The following ASAP1 variants were observed in gnomAD, a reference collection of about 807,000 sequenced individuals.
ASAP1 encodes the protein arf-GAP with SH3 domain, ANK repeat and PH domain-containing protein 1.
ASAP1 carries 43 observed loss-of-function variants against 145.2 expected under a neutral mutation model. That is an observed-to-expected ratio of 0.30 (90% CI 0.23 to 0.38). The LOEUF (loss-of-function observed/expected upper bound fraction) is 0.38, where lower values mean the gene tolerates loss of function less well. Ranked by LOEUF, ASAP1 falls within the 10% of genes least tolerant of loss-of-function variation. The pLI, the probability that ASAP1 is intolerant of heterozygous loss-of-function variation, is 1.00. For synonymous variants in ASAP1, 546 were observed against 515.5 expected, an observed-to-expected ratio of 1.06 and a Z score of -0.80; for missense variants, 1,018 against 1,355.3, an observed-to-expected ratio of 0.75 and a Z score of 3.91.
At chr8:130,099,676 CATTCT>C (rs2097525220) in intron 24 of ASAP1, among the ~76,000 whole-genome samples, 1 of 132,440 alleles carries the variant, frequency 7.6e-6, no homozygotes, top group Admixed American at 7.6e-5. Context: ...GAAAGGATTT[CATTCT>C]TTTTTTTTTT....
chr8:130,116,988 G>C lies in ASAP1; in HGVS notation c.1888C>G (p.Leu630Val). Residue 630 changes from leucine to valine, a missense_variant, in exon 21 of 30, where the codon CTG becomes GTG. Coordinates refer to ENST00000518721, the MANE Select transcript of ASAP1 (RefSeq NM_018482.4). ...VDFLVQNCGNLDKQTALGNTV... is the reference protein window; with the variant it reads ...VDFLVQNCGNVDKQTALGNTV... ...TTTCCCAGGGCCGTCTGCTTATCCA[G>C]GTTCCCACTGAAAAATTAGATGATG... The C allele has an allele frequency of 1.2e-6, 2 of 1,600,382 alleles. No individual in the cohort carries two copies. The highest frequency in any genetic ancestry group is 1.7e-6 in the Non-Finnish European group (2 of 1,174,662).
intron 4 of ASAP1, among the ~76,000 whole-genome samples, chr8:130,223,986 G>A (rs2136526735): frequency 6.6e-6 from 1 of 152,168 alleles, no homozygotes; most frequent in Non-Finnish European, 1.5e-5. Context: ...ACAATTTCAG[G>A]ATTCACCCTG....
intron 3 of ASAP1, among the ~76,000 whole-genome samples, chr8:130,306,779 G>T (rs114712811): frequency 2.2e-4 from 33 of 152,334 alleles, no homozygotes; most frequent in African/African-American, 7.7e-4. Flanking sequence ...CTCGGACCAT[G>T]TAACTTAACA....
chr8:130,261,765 A>AG (rs1241336615), intron 3 of ASAP1, among the ~76,000 whole-genome samples: 2 of 151,984 alleles, frequency 1.3e-5, no homozygotes, highest in African/African-American at 2.4e-5. Context: ...GCCTGTGTGG[A>AG]GGGGGGCAAG....
chr8:130,360,135 A>G (rs956607690), intron 2 of ASAP1, among the ~76,000 whole-genome samples: 2 of 152,222 alleles, frequency 1.3e-5, no homozygotes, highest in African/African-American at 4.8e-5. Context: ...TGCTCTCATG[A>G]AGCTTACCTT....
intron 1 of ASAP1, among the ~76,000 whole-genome samples, chr8:130,432,827 T>A (rs1830183080): frequency 6.6e-6 from 1 of 152,162 alleles, no homozygotes; most frequent in Non-Finnish European, 1.5e-5. Flanking sequence ...CAGAGCTCTG[T>A]CAGTTGCCCA....
intron 9 of ASAP1, among the ~76,000 whole-genome samples, chr8:130,178,034 C>T (rs1258253379): frequency 6.6e-6 from 1 of 152,208 alleles, no homozygotes; most frequent in African/African-American, 2.4e-5. Flanking sequence ...TCTAATTTGT[C>T]TAACCCAAGC....
chr8:130,060,043 A>T (rs2097414709), intron 28 of ASAP1, among the ~76,000 whole-genome samples: 1 of 141,644 alleles, frequency 7.1e-6, no homozygotes, highest in African/African-American at 2.7e-5. Flanking sequence ...GCACCACTGC[A>T]CTCCAGCCTG....
At chr8:130,185,941 G>C (rs1427418443) in intron 7 of ASAP1, among the ~76,000 whole-genome samples, 2 of 151,966 alleles carry the variant, frequency 1.3e-5, no homozygotes, top group African/African-American at 4.8e-5. Flanking sequence ...ACCTAATATT[G>C]GTAGTACTTT....
intron 3 of ASAP1, among the ~76,000 whole-genome samples, chr8:130,331,970 A>T (rs935149558): frequency 6.6e-6 from 1 of 152,200 alleles, no homozygotes; most frequent in Admixed American, 6.5e-5. Flanking sequence ...CTTTCTCAGA[A>T]CCACTAAATC....
At chr8:130,333,867 A>C (rs1217613972) in intron 3 of ASAP1, among the ~76,000 whole-genome samples, 1 of 152,230 alleles carries the variant, frequency 6.6e-6, no homozygotes, top group Non-Finnish European at 1.5e-5. Flanking sequence ...AGAAGCTGAG[A>C]TTACAGAAGA....
rs576736582 is a variant in ASAP1, at chr8:130,401,026, G to A, written c.59+859C>T. On this transcript the variant is annotated intron_variant, in intron 2 of 29. Coordinates refer to ENST00000518721, the MANE Select transcript of ASAP1 (RefSeq NM_018482.4). ...CTCCCGAGTAGCTGGGATTACAGGC[G>A]CCTGCCACCACACCCGGCTAATTTT... Among the ~76,000 whole-genome samples the A allele has an allele frequency of 3.0e-3, 441 of 148,562 alleles. 5 individuals carry two copies. The highest frequency in any genetic ancestry group is 1.9e-3 in the Non-Finnish European group (125 of 67,094).
intron 3 of ASAP1, among the ~76,000 whole-genome samples, chr8:130,289,563 G>A (rs76822377): frequency 0.026 from 3,966 of 152,304 alleles, 62 homozygotes; most frequent in Middle Eastern, 0.044. Context: ...CTGGGGAGGC[G>A]AAGACTGGAA....
intron 1 of ASAP1, among the ~76,000 whole-genome samples, chr8:130,430,276 C>T (rs1469664310): frequency 6.6e-6 from 1 of 152,126 alleles, no homozygotes; most frequent in African/African-American, 2.4e-5. Context: ...GAAGGACTCA[C>T]CAAGATGAAT....
intron 2 of ASAP1, among the ~76,000 whole-genome samples, chr8:130,391,323 T>C (rs1828274444): frequency 6.6e-6 from 1 of 152,194 alleles, no homozygotes; most frequent in Non-Finnish European, 1.5e-5. Flanking sequence ...AGAATTTCAA[T>C]TTTGCAAGAT....
In ASAP1 at chr8:130,070,918, AGAGAGAGG is replaced by A. The variant is rs2097443521; in HGVS notation, c.2701+5422_2701+5429del. 2.0e-4 allele frequency among the ~76,000 whole-genome samples: 6 copies of A among 30,292 alleles called. 1 individual carries two copies. Among genetic ancestry groups the A allele is most frequent in the Admixed American group, 7.5e-4 (2 of 2,662 alleles). The allele number at this position is 30,292 out of a possible 152,430, so 19.9% of individuals were successfully genotyped here. A position where few individuals can be genotyped will look rare whatever the true frequency, so the allele number is the denominator to read the frequency against. ...GAGAGAGGGAGGGAGAGAGAGGGGG[AGAGAGAGG>A]GGGAGAGAGAGGGGGAGAGAGAGGG... is the stretch of plus-strand genomic sequence containing the variant. On this transcript the variant is annotated intron_variant, in intron 27 of 29. Coordinates refer to ENST00000518721, the MANE Select transcript of ASAP1 (RefSeq NM_018482.4).
At chr8:130,079,829 AAACTCATTTCT>A in intron 26 of ASAP1, 62 bp downstream of exon 26, 1 of 1,496,174 alleles carries the variant, frequency 6.7e-7, no homozygotes, top group South Asian at 1.1e-5. Flanking sequence ...AAATTCATGA[AAACTCATTTCT>A]AGAATTCTGT....
chr8:130,423,719 A>G (rs1445791565), intron 1 of ASAP1, among the ~76,000 whole-genome samples: 1 of 152,242 alleles, frequency 6.6e-6, no homozygotes, highest in Non-Finnish European at 1.5e-5. Flanking sequence ...TGAGTATATC[A>G]GCATAGAGAG....
chr8:130,308,775 C>T (rs995960029), intron 3 of ASAP1, among the ~76,000 whole-genome samples: 1 of 152,114 alleles, frequency 6.6e-6, no homozygotes, highest in African/African-American at 2.4e-5. Context: ...GGCATGGTGG[C>T]TTACACCTGT....
Sources: gnomAD v4.1 joint callset for allele counts (sites outside exome capture counted in the v4.1 genomes callset) on GRCh38, gnomAD v4.1.1 for gene constraint, MANE v1.5 for transcripts, NCBI Gene and HGNC (gene_info 2026-07-23, HGNC 2026-07-21) for gene names.